The following ADCK1 variants were observed in gnomAD, a reference collection of about 807,000 sequenced individuals.
The protein encoded by ADCK1 is aarF domain containing kinase 1, also known as aarF domain-containing protein kinase 1.
A neutral mutation model predicts 52.3 loss-of-function variants in ADCK1; 41 were observed. The ratio of observed to expected loss-of-function variants is 0.78; its 90% confidence interval spans 0.61 to 1.02. ADCK1 has a LOEUF of 1.02. Among genes scored for constraint, ADCK1 ranks in the 50% least tolerant of loss-of-function variants. The probability of loss-of-function intolerance (pLI) is 0.00; values close to 1 mark genes in which losing one functional copy is unlikely to be tolerated. For synonymous variants in ADCK1, 250 were observed against 274.6 expected, an observed-to-expected ratio of 0.91 and a Z score of 0.89; for missense variants, 658 against 679.5, an observed-to-expected ratio of 0.97 and a Z score of 0.35.
At chr14:77,909,293 G>A (rs2083739142) in intron 7 of ADCK1, among the ~76,000 whole-genome samples, 2 of 152,032 alleles carry the variant, frequency 1.3e-5, no homozygotes. Flanking sequence ...GCGCTACCAT[G>A]CCTGGCTAAT....
intron 5 of ADCK1, among the ~76,000 whole-genome samples, chr14:77,897,553 C>A (rs181096860): frequency 6.6e-6 from 1 of 152,196 alleles, no homozygotes; most frequent in Non-Finnish European, 1.5e-5. Context: ...CTAAAACCCC[C>A]TCTTAACATG....
In ADCK1 at chr14:77,923,501, G is replaced by A. The variant is rs914540060; in HGVS notation, c.859-956G>A. The A allele has an allele frequency of 4.6e-5, 7 of 152,286 alleles. No individual in the cohort carries two copies. Among genetic ancestry groups the A allele is most frequent in the African/African-American group, 1.4e-4 (6 of 41,458 alleles). The allele number at this position is 152,286 out of a possible 1,614,324, so 9.4% of individuals were successfully genotyped here. A position where few individuals can be genotyped will look rare whatever the true frequency, so the allele number is the denominator to read the frequency against. ...GGAGAATTTTTAAGATCCCAATCCT[G>A]TGTTCCCCACCCGTGGGCCCCAGCT... is the stretch of plus-strand genomic sequence containing the variant. On this transcript the variant is annotated intron_variant, in intron 7 of 10. Coordinates refer to ENST00000238561, the MANE Select transcript of ADCK1 (RefSeq NM_020421.4). The surrounding 1 kb of genome is among the most constrained non-coding windows in gnomAD (Gnocchi z 4.3).
chr14:77,842,475 C>A (rs1457193490), intron 3 of ADCK1, among the ~76,000 whole-genome samples: 1 of 140,258 alleles, frequency 7.1e-6, no homozygotes, highest in African/African-American at 2.6e-5. Context: ...TTCCTTCCTT[C>A]CTTCCTTCCT....
chr14:77,874,363 A>G (rs1438943292), intron 4 of ADCK1, among the ~76,000 whole-genome samples: 1 of 152,234 alleles, frequency 6.6e-6, no homozygotes. Context: ...ATAGGGTTGC[A>G]GGAGGGGTGG....
chr14:77,852,806 A>G (rs2082327974), intron 3 of ADCK1, among the ~76,000 whole-genome samples: 1 of 132,386 alleles, frequency 7.6e-6, no homozygotes, highest in Non-Finnish European at 1.6e-5. Flanking sequence ...GTAAGAAAAA[A>G]TTATTTTTAC....
chr14:77,898,499 T>G (rs894890759), intron 5 of ADCK1, among the ~76,000 whole-genome samples: 3 of 152,136 alleles, frequency 2.0e-5, no homozygotes, highest in Non-Finnish European at 4.4e-5. Context: ...GGGTCATGGA[T>G]GAAGCTGGGA....
At chr14:77,849,715 G>A (rs528152246) in intron 3 of ADCK1, among the ~76,000 whole-genome samples, 1 of 152,170 alleles carries the variant, frequency 6.6e-6, no homozygotes, top group Admixed American at 6.5e-5. Flanking sequence ...GCCTCCCTAA[G>A]TGCTAGGATT....
intron 4 of ADCK1, among the ~76,000 whole-genome samples, chr14:77,870,364 T>C (rs771071774): frequency 6.6e-6 from 1 of 152,162 alleles, no homozygotes; most frequent in African/African-American, 2.4e-5. Context: ...CCATAGGCAT[T>C]GGGTCTTGCT....
chr14:77,904,129 A>G (rs1224490732), intron 6 of ADCK1, among the ~76,000 whole-genome samples: 1 of 152,172 alleles, frequency 6.6e-6, no homozygotes, highest in African/African-American at 2.4e-5. Flanking sequence ...CGTCTAGAGC[A>G]TAACTCTCAG....
chr14:77,808,639 G>GCA, intron 1 of ADCK1, among the ~76,000 whole-genome samples: 1 of 152,190 alleles, frequency 6.6e-6, no homozygotes, highest in Non-Finnish European at 1.5e-5. Flanking sequence ...GCAATGGCGT[G>GCA]ATCTCAGCTC....
intron 7 of ADCK1, among the ~76,000 whole-genome samples, chr14:77,913,673 G>T (rs755007293): frequency 2.0e-5 from 3 of 152,236 alleles, no homozygotes. Flanking sequence ...CGAGGCTGAG[G>T]TTCAATGTAA....
chr14:77,852,907 ATTTTTTTTTTTTT>A (rs71303864), intron 3 of ADCK1, among the ~76,000 whole-genome samples: 8 of 28,950 alleles, frequency 2.8e-4, no homozygotes, highest in Non-Finnish European at 3.8e-4. Context: ...ATATATATAT[ATTTTTTTTTTTTT>A]TTTTTTTTTT....
At chr14:77,836,032 A>G (rs1259112148) in intron 3 of ADCK1, among the ~76,000 whole-genome samples, 1 of 152,216 alleles carries the variant, frequency 6.6e-6, no homozygotes, top group African/African-American at 2.4e-5. Flanking sequence ...GTTGAGAAGT[A>G]GGACCTTCAA....
At chr14:77,815,841 A>T (rs1164418209) in intron 1 of ADCK1, among the ~76,000 whole-genome samples, 18 of 106,502 alleles carry the variant, frequency 1.7e-4, no homozygotes, top group Admixed American at 1.7e-3. Flanking sequence ...TTTGAGATGG[A>T]GTCTCGTTCT....
At chr14:77,894,736 GTTTTTTTTTTTTTTTT>G in intron 5 of ADCK1, among the ~76,000 whole-genome samples, 627 of 36,496 alleles carry the variant, frequency 0.017, 31 homozygotes, top group African/African-American at 0.044. Context: ...TTCTTTTCTT[GTTTTTTTTTTTTTTTT>G]TTTTTTTTTT....
chr14:77,911,344 G>T (rs150316881), intron 7 of ADCK1, among the ~76,000 whole-genome samples: 55 of 152,238 alleles, frequency 3.6e-4, no homozygotes, highest in African/African-American at 1.2e-3. Context: ...TGTGTGTTTT[G>T]TTTTTTATTT....
chr14:77,874,068 G>C (rs534068254), intron 4 of ADCK1, among the ~76,000 whole-genome samples: 1 of 152,298 alleles, frequency 6.6e-6, no homozygotes, highest in South Asian at 2.1e-4. Context: ...GTGGCAGTGG[G>C]GAGACTGTGG....
intron 3 of ADCK1, among the ~76,000 whole-genome samples, chr14:77,857,739 C>T (rs1446309170): frequency 6.6e-6 from 1 of 152,240 alleles, no homozygotes; most frequent in Admixed American, 6.5e-5. Context: ...TTTAACTCCT[C>T]GCATGATTTT....
chr14:77,835,924 T>C (rs1341759600), intron 3 of ADCK1, among the ~76,000 whole-genome samples: 1 of 152,210 alleles, frequency 6.6e-6, no homozygotes, highest in Non-Finnish European at 1.5e-5. Context: ...GCATGAGCCC[T>C]GCCAAAAGCC....
Sources: allele counts gnomAD v4.1 joint callset (sites outside exome capture counted in the v4.1 genomes callset), GRCh38; gene constraint gnomAD v4.1.1; non-coding constraint Gnocchi (gnomAD v3.1); transcripts MANE v1.5; gene names NCBI Gene and HGNC (gene_info 2026-07-23, HGNC 2026-07-21).